The following LIN7B variants were observed in gnomAD, a reference collection of about 807,000 sequenced individuals.
LIN7B encodes protein lin-7 homolog B.
In LIN7B, 16 loss-of-function variants were observed where a neutral mutation model predicts 27.9. The observed-to-expected ratio is 0.57, with a 90% confidence interval of 0.39 to 0.87. The LOEUF is 0.87. Ranked by LOEUF, LIN7B falls within the 40% of genes least tolerant of loss-of-function variation. LIN7B has a pLI of 0.00. For synonymous variants in LIN7B, 147 were observed against 120.8 expected (o/e 1.22, Z -1.42); for missense variants, 291 against 288.5 (o/e 1.01, Z -0.06).
At position 49,117,955 on chromosome 19, in the gene LIN7B, A is replaced by C; in HGVS notation, c.539A>C (p.Glu180Ala). ...CGTTACACACCGCGAGTGCTGGAGG[A>C]GATGGAGGCCCGGTTCGAGAAGATG... ...VVRYTPRVLE[E>A]MEARFEKMRS... is the part of the protein sequence containing the mutation. Residue 180 changes from glutamate (E) to alanine (A), a missense_variant, in exon 5 of 6, where the codon GAG (glutamate) becomes GCG (alanine). Coordinates refer to ENST00000221459, the MANE Select transcript of LIN7B (RefSeq NM_022165.3). The C allele has an allele frequency of 6.2e-7, 1 of 1,614,032 alleles. No homozygotes were observed. Among genetic ancestry groups the C allele is most frequent in the Non-Finnish European group, 8.5e-7 (1 of 1,179,964 alleles).
At chr19:49,116,718 A>T (rs921409518) in intron 4 of LIN7B, among the ~76,000 whole-genome samples, 5 of 152,214 alleles carry the variant, frequency 3.3e-5, no homozygotes, top group African/African-American at 9.7e-5. Context: ...GGAAGTGCAA[A>T]GTATTGTGAC....
At chr19:49,114,763 C>G (rs2040796178) in intron 1 of LIN7B, 86 bp from the exon 2 acceptor site, 2 of 757,034 alleles carry the variant, frequency 2.6e-6, no homozygotes, top group South Asian at 2.4e-5. Context: ...ACTGTGCGCT[C>G]GGCCTCACTC....
At chr19:49,118,311 A>G in intron 5 of LIN7B, 41 bp from the exon 6 acceptor site, 1 of 1,611,554 alleles carries the variant, frequency 6.2e-7, no homozygotes. Context: ...GTCTACCCGG[A>G]GCCTCCCTGA....
intron 3 of LIN7B, chr19:49,115,978 C>T (rs560907321): frequency 2.9e-5 from 9 of 314,518 alleles, no homozygotes; most frequent in African/African-American, 1.9e-4. Flanking sequence ...CCATTGCACT[C>T]CAGCCTGGGC....
chr19:49,116,080 T>G, intron 3 of LIN7B, 183 bp from the exon 4 acceptor site: 5 of 573,638 alleles, frequency 8.7e-6, no homozygotes, highest in Non-Finnish European at 1.5e-5. Flanking sequence ...CACTTTCTCT[T>G]GCAAGTGAAC....
rs1045967434 is a variant in LIN7B at position 49,115,147 on chromosome 19, C to G, written c.157-113C>G. 4.2e-5 allele frequency: 42 copies of G among 997,790 alleles called. No individual in the cohort carries two copies. In the African/African-American group the frequency reaches 5.6e-4, roughly 13 times the overall value. The allele number at this position is 997,790 out of a possible 1,614,324, so 61.8% of individuals were successfully genotyped here. On this transcript the variant is annotated intron_variant, in intron 2 of 5. Coordinates refer to ENST00000221459, the MANE Select transcript of LIN7B (RefSeq NM_022165.3). ...TTGTAGTTTTCTCGGCCTTCTGTTGCGGGGGCGGGGCGGATCCTTGCGTGG... is the reference window on the plus strand; with the variant it reads ...TTGTAGTTTTCTCGGCCTTCTGTTGGGGGGGCGGGGCGGATCCTTGCGTGG...
chr19:49,114,382 C>T lies in LIN7B; in HGVS notation c.-23C>T, dbSNP rs1221973602. 1.7e-6 allele frequency: 2 copies of T among 1,192,670 alleles called. No individual in the cohort carries two copies. The highest frequency in any genetic ancestry group is 2.1e-6 in the Non-Finnish European group (2 of 962,680). 73.9% of individuals were successfully genotyped at this position (1,192,670 alleles called of 1,614,324 possible). Reference sequence around the variant, plus strand: ...CCTCGCCGGCGCCAGGGCAGGCGGGCGGCTGGCAGCTGTGGCGCCGACATG... The same window carrying T: ...CCTCGCCGGCGCCAGGGCAGGCGGGTGGCTGGCAGCTGTGGCGCCGACATG... On this transcript the variant is annotated 5_prime_UTR_variant, in exon 1 of 6. Coordinates refer to ENST00000221459, the MANE Select transcript of LIN7B (RefSeq NM_022165.3).
chr19:49,118,285 C>T (rs2040869138), intron 5 of LIN7B, 67 bp from the exon 6 acceptor site: 2 of 1,571,512 alleles, frequency 1.3e-6, no homozygotes, highest in African/African-American at 1.4e-5. Flanking sequence ...TCTGCAACCC[C>T]AGTCCTGCCC....
In LIN7B at chr19:49,117,857, C is replaced by T. The variant is rs751448250; in HGVS notation, c.441C>T (p.Ser147=). The part of the protein sequence containing the change: ...GDQLLSVNGV[S]VEGEQHEKAV... Reference sequence around the variant, plus strand: ...GCTGTCTGTGTTGGGCCCTGCAGAGCGTTGAGGGTGAGCAGCATGAGAAGG... The same window carrying T: ...GCTGTCTGTGTTGGGCCCTGCAGAGTGTTGAGGGTGAGCAGCATGAGAAGG... The change falls in exon 5 of 6, where the codon AGC becomes AGT. Residue 147 remains serine, a splice_region_variant and synonymous_variant. Transcript: ENST00000221459. The T allele has an allele frequency of 3.5e-5, 56 of 1,613,120 alleles. 1 individual carries two copies. The South Asian group carries it at 4.0e-4, about 11-fold the overall frequency.
intron 5 of LIN7B, 134 bp from the exon 6 acceptor site, chr19:49,118,218 A>G (rs1159112224): frequency 1.3e-5 from 17 of 1,318,948 alleles, no homozygotes; most frequent in South Asian, 3.7e-5. Flanking sequence ...CTTCCATCCC[A>G]AGATACGGAA....
At chr19:49,114,506 C>T (rs1306600344) in intron 1 of LIN7B, 65 bp downstream of exon 1, 18 of 1,148,960 alleles carry the variant, frequency 1.6e-5, no homozygotes, top group Non-Finnish European at 1.4e-5. Flanking sequence ...CCCCGGTCCC[C>T]GCCCTTCCCG....
intron 4 of LIN7B, among the ~76,000 whole-genome samples, 197 bp from the exon 5 acceptor site, chr19:49,117,649 AACACGGGGC>A (rs2040851247): frequency 6.6e-6 from 1 of 151,998 alleles, no homozygotes; most frequent in Non-Finnish European, 1.5e-5. Flanking sequence ...GGACTGAGGG[AACACGGGGC>A]TGTCCCTGAC....
chr19:49,114,710 G>A (rs2040795281), intron 1 of LIN7B, 139 bp from the exon 2 acceptor site: 1 of 499,230 alleles, frequency 2.0e-6, no homozygotes, highest in Non-Finnish European at 3.3e-6. Context: ...CGCCACCCTG[G>A]ACTCTGCGGG....
chr19:49,116,330 C>A lies in LIN7B; in HGVS notation c.296C>A (p.Thr99Lys). 6.2e-7 allele frequency: 1 copy of A among 1,614,160 alleles called. No homozygotes were observed. The highest frequency in any genetic ancestry group is 8.5e-7 in the Non-Finnish European group (1 of 1,180,024). The change falls in exon 4 of 6, where the codon ACG (threonine) becomes AAG (lysine). Residue 99 changes from threonine (T) to lysine (K), a missense_variant. Physicochemically the swap from Thr to Lys is moderately conservative, Grantham distance 78. Coordinates refer to ENST00000221459, the MANE Select transcript of LIN7B (RefSeq NM_022165.3). ...CCCAGGGTAGTGGAGCTACCCAAGA[C>A]GGATGAGGGCCTAGGCTTCAACATC... ...AHPRVVELPK[T>K]DEGLGFNIMG...
rs1488107492 is a variant in LIN7B, at chr19:49,118,002, C to A, written c.586C>A (p.Gln196Lys). Residue 196 changes from glutamine (Q) to lysine (K), a missense_variant, in exon 5 of 6, where the codon CAG becomes AAG. Physicochemically the swap from Gln to Lys is moderately conservative, Grantham distance 53. Transcript: ENST00000221459. ...EKMRSARRRQ[Q>K]HQSYSSLESR... The stretch of plus-strand genomic sequence containing the variant: ...GATGCGCTCTGCCCGCCGGCGCCAA[C>A]AGCATCAGAGCTACTCGTGAGCCCC... 7 of 1,613,900 alleles carry A rather than the reference C, an allele frequency of 4.3e-6. No homozygotes were observed. The highest frequency in any genetic ancestry group is 5.9e-6 in the Non-Finnish European group (7 of 1,179,940).
At chr19:49,117,828 CT>C (rs1333598190) in intron 4 of LIN7B, 26 bp from the exon 5 acceptor site, 1 of 1,604,140 alleles carries the variant, frequency 6.2e-7, no homozygotes, top group South Asian at 1.1e-5. Context: ...GGGCCCCAGG[CT>C]CAGCTGTCTG....
chr19:49,114,462 C>T (rs2040789682), intron 1 of LIN7B, 21 bp downstream of exon 1: 2 of 1,207,688 alleles, frequency 1.7e-6, no homozygotes, highest in Non-Finnish European at 1.0e-6. Flanking sequence ...GCCAGGGGGC[C>T]CTGCCCACCC....
At chr19:49,116,217 C>T in intron 3 of LIN7B, 46 bp from the exon 4 acceptor site, 1 of 1,558,856 alleles carries the variant, frequency 6.4e-7, no homozygotes, top group Non-Finnish European at 8.8e-7. Flanking sequence ...AGCTTTCATG[C>T]CTACCTGGAA....
At position 49,114,745 on chromosome 19, in the gene LIN7B, C is replaced by T. The variant is rs188826885; in HGVS notation, c.38-104C>T. The T allele has an allele frequency of 2.9e-3, 1,757 of 614,202 alleles. 26 individuals carry two copies. In the African/African-American group the frequency reaches 0.031, roughly 11 times the overall value. 38.0% of individuals were successfully genotyped at this position (614,202 alleles called of 1,614,324 possible). ...GGTGTCCGACTAGGCTTCGGCCGTC[C>T]TCCCCGGACTGTGCGCTCGGCCTCA... On this transcript the variant is annotated intron_variant, in intron 1 of 5. Coordinates refer to ENST00000221459, the MANE Select transcript of LIN7B (RefSeq NM_022165.3).
Sources: allele counts gnomAD v4.1 joint callset (sites outside exome capture counted in the v4.1 genomes callset), GRCh38; gene constraint gnomAD v4.1.1; transcripts MANE v1.5; gene names NCBI Gene and HGNC (gene_info 2026-07-23, HGNC 2026-07-21).